The following EPB41L3 variants were observed in gnomAD, a reference collection of about 807,000 sequenced individuals.
EPB41L3 encodes band 4.1-like protein 3.
Under a neutral mutation model 127.1 loss-of-function variants are expected in EPB41L3, and 57 were observed. The observed-to-expected ratio is 0.45, with a 90% CI of 0.36 to 0.56. The LOEUF is 0.56. Among genes scored for constraint, EPB41L3 ranks in the 20% least tolerant of loss-of-function variants. The probability of loss-of-function intolerance (pLI) is 0.00; values close to 1 mark genes in which losing one functional copy is unlikely to be tolerated. For missense variants in EPB41L3, 1,273 were observed against 1,372.2 expected, an observed-to-expected ratio of 0.93 and a Z score of 1.14; for synonymous variants, 572 against 549.5, an observed-to-expected ratio of 1.04 and a Z score of -0.57.
chr18:5,495,788 C>CT (rs906450734), intron 1 of EPB41L3, among the ~76,000 whole-genome samples: 20 of 152,292 alleles, frequency 1.3e-4, no homozygotes, highest in African/African-American at 4.6e-4. Context: ...GCTCTGTGAC[C>CT]TTAACAGAAC....
intron 8 of EPB41L3, among the ~76,000 whole-genome samples, chr18:5,431,696 T>C (rs1017543793): frequency 1.3e-5 from 2 of 152,168 alleles, no homozygotes; most frequent in African/African-American, 4.8e-5. Flanking sequence ...GTGTGTGATG[T>C]AACTCAAAAA....
At chr18:5,432,582 G>A (rs2079144609) in intron 8 of EPB41L3, among the ~76,000 whole-genome samples, 1 of 152,118 alleles carries the variant, frequency 6.6e-6, no homozygotes, top group Admixed American at 6.5e-5. Flanking sequence ...AAGCTTCCTT[G>A]TATTTCCACA....
At chr18:5,440,532 TAGAA>T (rs1429932093) in intron 5 of EPB41L3, among the ~76,000 whole-genome samples, 4 of 152,124 alleles carry the variant, frequency 2.6e-5, no homozygotes, top group African/African-American at 7.2e-5. Flanking sequence ...GGGCCCTAGT[TAGAA>T]AGAGGAAATG....
At chr18:5,406,103 T>C (rs2075342111) in intron 16 of EPB41L3, among the ~76,000 whole-genome samples, 1 of 151,810 alleles carries the variant, frequency 6.6e-6, no homozygotes, top group Non-Finnish European at 1.5e-5. Context: ...ATACAAAAAT[T>C]AGCCCGGTGT....
At chr18:5,395,005 G>A (rs756170568) in intron 21 of EPB41L3, 62 bp downstream of exon 21, 2 of 1,514,500 alleles carry the variant, frequency 1.3e-6, no homozygotes, top group Non-Finnish European at 1.8e-6. Flanking sequence ...CATTGAAACT[G>A]TAGGACCAAC....
At chr18:5,577,424 T>TAGAAG in intron 3 of EPB41L3, 1 of 421,694 alleles carries the variant, frequency 2.4e-6, no homozygotes, top group Non-Finnish European at 4.7e-6. Flanking sequence ...TAGCATTGAC[T>TAGAAG]CTCCGGCTTC....
Position 5,416,275 on chromosome 18 carries a change from C to A in EPB41L3, c.1610G>T (p.Cys537Phe). The change falls in exon 13 of 23, where the codon TGC becomes TTC. Residue 537 changes from cysteine to phenylalanine, a missense_variant. Coordinates refer to ENST00000341928, the MANE Select transcript of EPB41L3 (RefSeq NM_012307.5). ...ELRRRCKEND[C>F]KLPGYEPSRA... ...GGACGGCTCATAACCTGGCAGTTTG[C>A]AGTCATTCTCCTTACACCTCCTACG... 1.9e-6 allele frequency: 3 copies of A among 1,614,096 alleles called. No homozygotes were observed. Among genetic ancestry groups the A allele is most frequent in the Non-Finnish European group, 2.5e-6 (3 of 1,180,036 alleles).
chr18:5,510,568 G>T (rs534016620), intron 1 of EPB41L3, among the ~76,000 whole-genome samples: 1 of 152,320 alleles, frequency 6.6e-6, no homozygotes, highest in Admixed American at 6.5e-5. Context: ...AGTGGGGTAT[G>T]TATGGGAACC....
At chr18:5,519,686 C>A (rs1486157453) in intron 1 of EPB41L3, among the ~76,000 whole-genome samples, 1 of 152,186 alleles carries the variant, frequency 6.6e-6, no homozygotes, top group African/African-American at 2.4e-5. Context: ...CCAGAGGGGA[C>A]CGGGACAAAT....
intron 4 of EPB41L3, 40 bp downstream of exon 4, chr18:5,445,100 G>A: frequency 1.3e-6 from 2 of 1,513,920 alleles, no homozygotes; most frequent in Non-Finnish European, 9.2e-7. Flanking sequence ...GTAATGAGCA[G>A]TTCAAGCCAT....
Position 5,543,763 on chromosome 18 carries a change from G to A in EPB41L3, c.-12+150C>T. The A allele has an allele frequency of 1.7e-6, 1 of 604,824 alleles. No individual in the cohort carries two copies. Among genetic ancestry groups the A allele is most frequent in the South Asian group, 7.2e-5 (1 of 13,812 alleles). 37.5% of individuals were successfully genotyped at this position (604,824 alleles called of 1,614,324 possible). ...GGGACCCCGGCCGCGCCGGGCGCGG[G>A]GCTCGGGATTCGGGAGACCGCGCGG... On this transcript the variant is annotated intron_variant, in intron 1 of 22. Transcript: ENST00000341928. This position sits in a 1 kb window ranked among gnomAD's most constrained non-coding sequence, Gnocchi z 5.2.
At chr18:5,616,050 A>G (rs2094791008) in intron 1 of EPB41L3, among the ~76,000 whole-genome samples, 2 of 152,042 alleles carry the variant, frequency 1.3e-5, no homozygotes, top group Non-Finnish European at 2.9e-5. Context: ...CATTCTCAGC[A>G]ATCTCCCTTG....
At chr18:5,480,422 G>T (rs1166498347) in intron 2 of EPB41L3, among the ~76,000 whole-genome samples, 3 of 152,094 alleles carry the variant, frequency 2.0e-5, no homozygotes, top group African/African-American at 7.2e-5. Flanking sequence ...TATGGTATGG[G>T]TATTATTACC....
At chr18:5,523,317 CTTTG>C (rs2093073961) in intron 1 of EPB41L3, among the ~76,000 whole-genome samples, 1 of 152,124 alleles carries the variant, frequency 6.6e-6, no homozygotes. Flanking sequence ...CCAAGTCTTC[CTTTG>C]TTTCTTTTCT....
At chr18:5,500,230 T>C (rs1447038140) in intron 1 of EPB41L3, among the ~76,000 whole-genome samples, 1 of 152,232 alleles carries the variant, frequency 6.6e-6, no homozygotes, top group African/African-American at 2.4e-5. Context: ...AAAGGTAGCA[T>C]ATTTTATCTA....
intron 12 of EPB41L3, among the ~76,000 whole-genome samples, chr18:5,417,080 G>C (rs1325077509): frequency 6.6e-6 from 1 of 152,146 alleles, no homozygotes; most frequent in East Asian, 1.9e-4. Context: ...GATATTAGTG[G>C]AACTTCAACT....
At chr18:5,544,161 G>C (rs2093834620), upstream of EPB41L3, 1 of 985,404 alleles carries the variant, frequency 1.0e-6, no homozygotes, top group African/African-American at 1.7e-5. Context: ...CCGCGGGGGA[G>C]GGGGCCACCG....
intron 1 of EPB41L3, among the ~76,000 whole-genome samples, chr18:5,491,813 C>T (rs772259871): frequency 1.4e-4 from 22 of 152,234 alleles, no homozygotes; most frequent in South Asian, 2.1e-4. Context: ...TTAAAATGTA[C>T]GTCTTTTTTA....
intron 3 of EPB41L3, among the ~76,000 whole-genome samples, chr18:5,445,522 T>C (rs2081349152): frequency 6.6e-6 from 1 of 152,194 alleles, no homozygotes; most frequent in Non-Finnish European, 1.5e-5. Context: ...CAGTGGGTGA[T>C]TTCTAAATGG....
Sources: allele counts gnomAD v4.1 joint callset (sites outside exome capture counted in the v4.1 genomes callset), GRCh38; gene constraint gnomAD v4.1.1; non-coding constraint Gnocchi (gnomAD v3.1); transcripts MANE v1.5; gene names NCBI Gene and HGNC (gene_info 2026-07-23, HGNC 2026-07-21).